Variants in KCTD1 observed in about 807,000 individuals in gnomAD.
The protein encoded by KCTD1 is BTB/POZ domain-containing protein KCTD1.
A neutral mutation model predicts 66.0 loss-of-function variants in KCTD1; 24 were observed. The observed-to-expected ratio is 0.36, with a 90% CI of 0.26 to 0.51. KCTD1 has a LOEUF of 0.51. KCTD1 is among the 20% of genes least tolerant of loss of function. The probability of loss-of-function intolerance (pLI) is 0.95; values close to 1 mark genes in which losing one functional copy is unlikely to be tolerated. For missense variants in KCTD1, 943 were observed against 1,205.2 expected, an observed-to-expected ratio of 0.78 and a Z score of 3.22; for synonymous variants, 511 against 517.2, an observed-to-expected ratio of 0.99 and a Z score of 0.16.
At position 26,610,895 on chromosome 18, in the gene KCTD1, C is replaced by T. The variant is rs534365718; in HGVS notation, c.-16+18252G>A. ...CTCTTTTAAGATTTTCCTTGTATAA[C>T]TGAGTATGAGCAATTTGACTAGGAC... On this transcript the variant is annotated intron_variant, in intron 1 of 4. Coordinates refer to the KCTD1 transcript ENST00000317932. Among the ~76,000 whole-genome samples the T allele has an allele frequency of 2.2e-4, 33 of 152,226 alleles. No homozygotes were observed. The South Asian group carries it at 5.6e-3, about 26-fold the overall frequency.
At chr18:26,506,173 C>T (rs565452970) in intron 1 of KCTD1, among the ~76,000 whole-genome samples, 9 of 152,282 alleles carry the variant, frequency 5.9e-5, no homozygotes, top group South Asian at 2.1e-4. Context: ...TTAGCCACCG[C>T]GCCCAGCCCA....
upstream of KCTD1, among the ~76,000 whole-genome samples, chr18:26,640,646 G>T (rs1987815828): frequency 2.0e-5 from 3 of 152,150 alleles, no homozygotes; most frequent in Admixed American, 1.3e-4. Flanking sequence ...ATTCTGTACT[G>T]AGCACCTGAG....
At chr18:26,611,300 T>C (rs1206481090) in intron 1 of KCTD1, among the ~76,000 whole-genome samples, 1 of 152,130 alleles carries the variant, frequency 6.6e-6, no homozygotes, top group African/African-American at 2.4e-5. Flanking sequence ...CCTAACTTTT[T>C]GGACATATGG....
chr18:26,521,264 C>T (rs1169773523), intron 1 of KCTD1, among the ~76,000 whole-genome samples: 1 of 152,220 alleles, frequency 6.6e-6, no homozygotes, highest in East Asian at 1.9e-4. Context: ...TGTTAGGCAC[C>T]ATTCTCAACC....
intron 1 of KCTD1, among the ~76,000 whole-genome samples, chr18:26,616,340 C>G (rs1415916909): frequency 2.0e-5 from 3 of 151,762 alleles, no homozygotes; most frequent in Admixed American, 2.0e-4. Context: ...AAGGTTTATT[C>G]CCTTGTTTTA....
chr18:26,462,471 C>T (rs1440544621), intron 3 of KCTD1, among the ~76,000 whole-genome samples: 3 of 152,170 alleles, frequency 2.0e-5, no homozygotes, highest in Admixed American at 6.5e-5. Flanking sequence ...TGCTATGTCA[C>T]GGGGAGCAGA....
At chr18:26,615,117 G>A (rs908080850) in intron 1 of KCTD1, among the ~76,000 whole-genome samples, 20 of 152,182 alleles carry the variant, frequency 1.3e-4, no homozygotes, top group African/African-American at 4.6e-4. Context: ...ACCTGGGCAG[G>A]GAAACGTTAT....
In KCTD1 at chr18:26,647,340, C is replaced by CCA. The variant is rs1555649527; in HGVS notation, c.9+10018_9+10019dup. Among the ~76,000 whole-genome samples, 29 of 149,526 alleles carry CCA rather than the reference C, an allele frequency of 1.9e-4. 1 individual carries two copies. The East Asian group carries it at 3.4e-3, about 17-fold the overall frequency. ...TGGCCAAGATAGTGAAACCCCCCCC[C>CCA]CATCTCTACTAAAAATACAAAAATT... On this transcript the variant is annotated intron_variant, in intron 1 of 4. Transcript: ENST00000580191.
At chr18:26,580,047 GTT>G (rs1053219222) in intron 1 of KCTD1, among the ~76,000 whole-genome samples, 17 of 152,268 alleles carry the variant, frequency 1.1e-4, no homozygotes, top group African/African-American at 4.1e-4. Flanking sequence ...GGCTTTCCAT[GTT>G]TCTGAGAGTT....
intron 2 of KCTD1, among the ~76,000 whole-genome samples, chr18:26,484,554 G>A (rs1223935312): frequency 1.3e-5 from 2 of 152,164 alleles, no homozygotes; most frequent in Admixed American, 1.3e-4. Flanking sequence ...ACTTCGGTTA[G>A]AAAATTTTTA....
chr18:26,517,275 G>A (rs979952784), intron 1 of KCTD1, among the ~76,000 whole-genome samples: 4 of 152,158 alleles, frequency 2.6e-5, no homozygotes, highest in Admixed American at 6.5e-5. Context: ...GAACTGGTGG[G>A]AGATAATTGA....
At chr18:26,643,349 G>C (rs1351105609), upstream of KCTD1, among the ~76,000 whole-genome samples, 2 of 152,168 alleles carry the variant, frequency 1.3e-5, no homozygotes, top group Admixed American at 6.5e-5. Context: ...CCACCATGGG[G>C]GTGGGGTTTC....
chr18:26,478,238 C>T (rs1473896488), intron 2 of KCTD1, among the ~76,000 whole-genome samples: 1 of 152,116 alleles, frequency 6.6e-6, no homozygotes, highest in African/African-American at 2.4e-5. Flanking sequence ...ATCCTTAGTA[C>T]TTTATATATG....
chr18:26,540,078 CTTGTG>C, intron 1 of KCTD1, among the ~76,000 whole-genome samples: 1 of 152,206 alleles, frequency 6.6e-6, no homozygotes, highest in South Asian at 2.1e-4. Flanking sequence ...CTTCCTTTTT[CTTGTG>C]TTAAGACAGA....
intron 1 of KCTD1, chr18:26,543,757 G>T (rs1985084079): frequency 6.6e-6 from 1 of 152,228 alleles, no homozygotes; most frequent in East Asian, 1.9e-4. Context: ...CTAGGTTAGG[G>T]TCAAGCAAGT....
chr18:26,477,876 T>C (rs1343385749), intron 2 of KCTD1, among the ~76,000 whole-genome samples: 2 of 152,244 alleles, frequency 1.3e-5, no homozygotes, highest in Admixed American at 1.3e-4. Context: ...GGTAGGGTTA[T>C]TTTCTAAAAT....
upstream of KCTD1, chr18:26,549,491 G>C (rs1240365940): frequency 1.0e-6 from 1 of 974,172 alleles, no homozygotes; most frequent in Non-Finnish European, 1.2e-6. Context: ...TGGGAGGGGA[G>C]ACGAGGGAAG....
chr18:26,622,814 G>A lies in KCTD1; in HGVS notation c.-16+6333C>T, dbSNP rs939731240. The stretch of plus-strand genomic sequence containing the variant: ...GAGGCTCTGGGGCTGCAGAGGGTGC[G>A]TCAGAGGAGACTGAGTGTTGAGAGG... On this transcript the variant is annotated intron_variant, in intron 1 of 4. Transcript: ENST00000317932. 7.2e-5 allele frequency among the ~76,000 whole-genome samples: 11 copies of A among 152,186 alleles called. No homozygotes were observed. In the South Asian group the frequency reaches 1.0e-3, roughly 14 times the overall value.
intron 1 of KCTD1, among the ~76,000 whole-genome samples, chr18:26,623,472 T>G (rs985034836): frequency 1.3e-5 from 2 of 152,142 alleles, no homozygotes; most frequent in Non-Finnish European, 2.9e-5. Flanking sequence ...CTCATGAAAG[T>G]GAGTTCTCAT....
Sources: gnomAD v4.1 joint callset for allele counts (sites outside exome capture counted in the v4.1 genomes callset) on GRCh38, gnomAD v4.1.1 for gene constraint, MANE v1.5 for transcripts, NCBI Gene and HGNC (gene_info 2026-07-23, HGNC 2026-07-21) for gene names.